The following LIPF variants were observed in gnomAD, a reference collection of about 807,000 sequenced individuals.
LIPF encodes gastric triacylglycerol lipase.
In LIPF, 25 loss-of-function variants were observed where a neutral mutation model predicts 38.0. The ratio of observed to expected loss-of-function variants is 0.66; its 90% CI spans 0.48 to 0.92. LIPF has a LOEUF of 0.92. LIPF is among the 40% of genes least tolerant of loss of function. LIPF has a pLI of 0.00. For missense variants in LIPF, 410 were observed against 469.9 expected (o/e 0.87, Z 1.18); for synonymous variants, 161 against 156.2 (o/e 1.03, Z -0.23).
At chr10:88,672,658 A>ACTCTCTCT (rs1841618611) in intron 6 of LIPF, among the ~76,000 whole-genome samples, 1 of 138,650 alleles carries the variant, frequency 7.2e-6, no homozygotes, top group African/African-American at 3.0e-5. Flanking sequence ...ACACACACAC[A>ACTCTCTCT]CACACACACA....
intron 7 of LIPF, among the ~76,000 whole-genome samples, chr10:88,675,334 C>A (rs954264259): frequency 1.3e-5 from 2 of 152,150 alleles, no homozygotes; most frequent in African/African-American, 4.8e-5. Context: ...CTTCTTTGTG[C>A]CCCAATTTTC....
intron 7 of LIPF, among the ~76,000 whole-genome samples, chr10:88,674,206 T>G (rs906121578): frequency 6.6e-5 from 10 of 152,132 alleles, no homozygotes; most frequent in Non-Finnish European, 1.3e-4. Flanking sequence ...AGTCTCGCTG[T>G]CACCCAGGCT....
chr10:88,677,236 T>C (rs535169942), intron 9 of LIPF, among the ~76,000 whole-genome samples: 38 of 152,304 alleles, frequency 2.5e-4, no homozygotes, highest in African/African-American at 8.4e-4. Context: ...GATCAAACTT[T>C]TGTTGAAAAC....
At chr10:88,669,681 C>A in intron 4 of LIPF, 156 bp from the exon 5 acceptor site, 1 of 520,114 alleles carries the variant, frequency 1.9e-6, no homozygotes, top group Non-Finnish European at 3.4e-6. Flanking sequence ...GAAGCTGCCC[C>A]AAAGGGCACC....
At chr10:88,670,737 C>T (rs1194371683) in intron 5 of LIPF, among the ~76,000 whole-genome samples, 1 of 152,098 alleles carries the variant, frequency 6.6e-6, no homozygotes, top group Non-Finnish European at 1.5e-5. Context: ...GGCTCTTTGG[C>T]TGTTGTAGGG....
Position 88,678,476 on chromosome 10 carries a change from T to C in LIPF, c.992T>C (p.Met331Thr), listed in dbSNP as rs1384076362. ...CCTCCCTACTACAATGTGACAGCCA[T>C]GAATGTACCAATTGCAGTGTGGAAC... ...SQPPYYNVTA[M>T]NVPIAVWNGG... Residue 331 changes from methionine to threonine, a missense_variant, in exon 10 of 10, where the codon ATG (methionine) becomes ACG (threonine). Met to Thr is a moderately conservative substitution (Grantham distance 81, BLOSUM62 -1). Coordinates refer to ENST00000238983, the MANE Select transcript of LIPF (RefSeq NM_004190.4). 1 of 1,614,032 alleles carries C rather than the reference T, an allele frequency of 6.2e-7. No individual in the cohort carries two copies. The highest frequency in any genetic ancestry group is 8.5e-7 in the Non-Finnish European group (1 of 1,179,892).
intron 1 of LIPF, among the ~76,000 whole-genome samples, chr10:88,665,838 G>A (rs1268913108): frequency 6.8e-6 from 1 of 146,072 alleles, no homozygotes; most frequent in East Asian, 2.0e-4. Flanking sequence ...CCGCCTCCTC[G>A]GTTCAAGGAC....
chr10:88,671,771 AAAC>A (rs1279663957), intron 5 of LIPF, 55 bp from the exon 6 acceptor site: 311 of 1,552,478 alleles, frequency 2.0e-4, no homozygotes, highest in Non-Finnish European at 2.4e-4. Context: ...AAAACAAACA[AAAC>A]AACAACAACA....
At chr10:88,677,608 T>C (rs1841707465) in intron 9 of LIPF, among the ~76,000 whole-genome samples, 1 of 152,154 alleles carries the variant, frequency 6.6e-6, no homozygotes, top group African/African-American at 2.4e-5. Context: ...AAATTACATA[T>C]CATAAAATAT....
chr10:88,666,673 G>T (rs1052162882), intron 1 of LIPF, among the ~76,000 whole-genome samples: 3 of 151,990 alleles, frequency 2.0e-5, no homozygotes, highest in African/African-American at 7.3e-5. Context: ...TCTGAGTAAT[G>T]TAGAAACACC....
intron 5 of LIPF, 98 bp from the exon 6 acceptor site, chr10:88,671,731 T>C: frequency 6.7e-7 from 1 of 1,486,338 alleles, no homozygotes; most frequent in Non-Finnish European, 9.0e-7. Context: ...ACACCATCCT[T>C]AGTAAGTCCA....
At chr10:88,676,580 C>G (rs930182096) in intron 9 of LIPF, among the ~76,000 whole-genome samples, 1 of 152,214 alleles carries the variant, frequency 6.6e-6, no homozygotes, top group Admixed American at 6.5e-5. Flanking sequence ...ACACTGTCCT[C>G]TCCTTTCTGA....
chr10:88,678,234 A>G (rs7902842), intron 9 of LIPF, among the ~76,000 whole-genome samples: 79,895 of 152,066 alleles, frequency 0.53, 22,568 homozygotes, highest in African/African-American at 0.74. Context: ...ATCTTCAGGT[A>G]ATTCACAGGC....
chr10:88,670,067 C>A, intron 5 of LIPF, 121 bp downstream of exon 5: 1 of 672,242 alleles, frequency 1.5e-6, no homozygotes, highest in South Asian at 1.8e-5. Flanking sequence ...TCCAACAACA[C>A]AATGACATAG....
intron 9 of LIPF, 127 bp downstream of exon 9, chr10:88,676,407 T>C: frequency 1.6e-6 from 1 of 641,568 alleles, no homozygotes; most frequent in South Asian, 2.1e-5. Context: ...TGTCTCTCAT[T>C]CTCCCACATG....
At chr10:88,668,106 G>C (rs1841541440) in intron 3 of LIPF, among the ~76,000 whole-genome samples, 1 of 152,076 alleles carries the variant, frequency 6.6e-6, no homozygotes, top group South Asian at 2.1e-4. Flanking sequence ...CAGAGGGGAA[G>C]ATGGGGAACC....
intron 1 of LIPF, among the ~76,000 whole-genome samples, chr10:88,665,126 A>G (rs950046867): frequency 6.6e-6 from 1 of 152,186 alleles, no homozygotes; most frequent in Non-Finnish European, 1.5e-5. Context: ...TATGGGCTCC[A>G]CTACTTTCTA....
chr10:88,669,881 T>A lies in LIPF; in HGVS notation c.467T>A (p.Phe156Tyr), dbSNP rs1841568450. 6.2e-7 allele frequency: 1 copy of A among 1,613,682 alleles called. No individual in the cohort carries two copies. Among genetic ancestry groups the A allele is most frequent in the Non-Finnish European group, 8.5e-7 (1 of 1,179,698 alleles). The change falls in exon 5 of 10, where the codon TTC (phenylalanine) becomes TAC (tyrosine). Residue 156 changes from phenylalanine (F) to tyrosine (Y), a missense_variant. Physicochemically the swap from Phe to Tyr is conservative, Grantham distance 22. Coordinates refer to ENST00000238983, the MANE Select transcript of LIPF (RefSeq NM_004190.4). ...AKYDLPATID[F>Y]IVKKTGQKQL... ...TATGACCTTCCAGCCACAATCGACTTCATTGTAAAGAAAACTGGACAGAAG... is the reference window on the plus strand; with the variant it reads ...TATGACCTTCCAGCCACAATCGACTACATTGTAAAGAAAACTGGACAGAAG...
intron 8 of LIPF, among the ~76,000 whole-genome samples, 158 bp from the exon 9 acceptor site, chr10:88,676,051 A>G (rs1841681119): frequency 1.3e-5 from 2 of 152,324 alleles, no homozygotes; most frequent in Middle Eastern, 3.4e-3. Flanking sequence ...TTAAACTTAC[A>G]TAAATACCTT....
Sources: allele counts gnomAD v4.1 joint callset (sites outside exome capture counted in the v4.1 genomes callset), GRCh38; gene constraint gnomAD v4.1.1; transcripts MANE v1.5; gene names NCBI Gene and HGNC (gene_info 2026-07-23, HGNC 2026-07-21).